PLPPR5: variants seen among roughly 807,000 people sequenced by gnomAD.
PLPPR5 encodes the protein phospholipid phosphatase related 5, also known as phospholipid phosphatase-related protein type 5.
PLPPR5 carries 16 observed loss-of-function variants against 33.9 expected under a neutral mutation model. The ratio of observed to expected loss-of-function variants is 0.47; its 90% CI spans 0.32 to 0.72. The LOEUF (loss-of-function observed/expected upper bound fraction) is 0.72. Ranked by LOEUF, PLPPR5 falls within the 30% of genes least tolerant of loss-of-function variation. The probability of loss-of-function intolerance (pLI) is 0.03; values close to 1 mark genes in which losing one functional copy is unlikely to be tolerated. For missense variants in PLPPR5, 301 were observed against 406.7 expected (o/e 0.74, Z 2.23); for synonymous variants, 163 against 150.3 (o/e 1.08, Z -0.62).
At chr1:98,903,992 T>C (rs1648796689) in intron 5 of PLPPR5, among the ~76,000 whole-genome samples, 1 of 152,200 alleles carries the variant, frequency 6.6e-6, no homozygotes, top group Admixed American at 6.5e-5. Context: ...CCATGAGCTC[T>C]TTCAGAACAT....
chr1:98,997,399 G>A (rs1182810126), intron 1 of PLPPR5, among the ~76,000 whole-genome samples: 1 of 152,080 alleles, frequency 6.6e-6, no homozygotes, highest in Non-Finnish European at 1.5e-5. Context: ...TGCAAATAAT[G>A]TGTTTGTGGC....
At chr1:98,978,461 T>A (rs1361910866) in intron 1 of PLPPR5, among the ~76,000 whole-genome samples, 2 of 152,048 alleles carry the variant, frequency 1.3e-5, no homozygotes, top group Admixed American at 1.3e-4. Context: ...TTTCTCTTTC[T>A]ACAAATTCCT....
chr1:98,931,310 T>C (rs934104660), intron 3 of PLPPR5, among the ~76,000 whole-genome samples: 5 of 99,994 alleles, frequency 5.0e-5, no homozygotes, highest in Non-Finnish European at 8.8e-5. Flanking sequence ...TAAAATTTCA[T>C]GAATGCTTAC....
chr1:98,920,087 T>C (rs1172466287), intron 4 of PLPPR5, among the ~76,000 whole-genome samples: 3 of 152,166 alleles, frequency 2.0e-5, no homozygotes, highest in African/African-American at 7.2e-5. Flanking sequence ...CATGAAACGT[T>C]CTCAACCTGT....
In PLPPR5 at chr1:98,952,328, G is replaced by A. The variant is rs1280591894; in HGVS notation, c.621+742C>T. 2.6e-5 allele frequency among the ~76,000 whole-genome samples: 4 copies of A among 151,580 alleles called. 1 individual carries two copies. The highest frequency in any genetic ancestry group is 1.3e-4 in the Admixed American group (2 of 15,244). On this transcript the variant is annotated intron_variant, in intron 3 of 5. Transcript: ENST00000263177. ...GTTTGTGGAAAAGCCTACAGGGAACGCGTTAGGAGTCCACCTCCTGAGCTG... is the reference window on the plus strand; with the variant it reads ...GTTTGTGGAAAAGCCTACAGGGAACACGTTAGGAGTCCACCTCCTGAGCTG...
At chr1:98,949,444 G>A (rs309078) in intron 3 of PLPPR5, among the ~76,000 whole-genome samples, 84,155 of 151,932 alleles carry the variant, frequency 0.55, 24,047 homozygotes, top group East Asian at 0.72. Flanking sequence ...TATTATTTAC[G>A]TACTCCATAA....
chr1:98,976,518 G>C (rs1312619014), intron 1 of PLPPR5, among the ~76,000 whole-genome samples: 1 of 151,832 alleles, frequency 6.6e-6, no homozygotes, highest in African/African-American at 2.4e-5. Context: ...AAGTAGACTA[G>C]GAAACCACCA....
intron 1 of PLPPR5, among the ~76,000 whole-genome samples, chr1:98,963,238 T>C (rs144137039): frequency 2.0e-5 from 3 of 152,366 alleles, no homozygotes; most frequent in African/African-American, 7.2e-5. Flanking sequence ...GCCTATTCTA[T>C]TGCAACTTTA....
intron 3 of PLPPR5, among the ~76,000 whole-genome samples, chr1:98,931,994 G>A (rs1332695151): frequency 6.6e-6 from 1 of 152,168 alleles, no homozygotes; most frequent in Non-Finnish European, 1.5e-5. Flanking sequence ...TTGGATGCGT[G>A]CTTATGTGCA....
chr1:98,917,993 TTA>T (rs1649419596), intron 4 of PLPPR5, among the ~76,000 whole-genome samples: 1 of 152,224 alleles, frequency 6.6e-6, no homozygotes, highest in Admixed American at 6.5e-5. Context: ...TGGTTTTACA[TTA>T]GTGACTTCCG....
rs1227202177 is a variant in PLPPR5, at chr1:98,949,833, G to A, written c.621+3237C>T. Among the ~76,000 whole-genome samples the A allele has an allele frequency of 3.9e-5, 6 of 152,190 alleles. No homozygotes were observed. In the East Asian group the frequency reaches 1.2e-3, roughly 29 times the overall value. On this transcript the variant is annotated intron_variant, in intron 3 of 5. Transcript: ENST00000263177. The stretch of plus-strand genomic sequence containing the variant: ...ACACACACACACAAAGGGGTGGTGG[G>A]GTAAGACAGAGAAACAGCAGAGAAC...
intron 1 of PLPPR5, among the ~76,000 whole-genome samples, chr1:98,968,741 A>T (rs1169350055): frequency 6.6e-6 from 1 of 152,068 alleles, no homozygotes; most frequent in Non-Finnish European, 1.5e-5. Flanking sequence ...AATTTAAAAA[A>T]TGTAAAAAGA....
chr1:99,005,148 C>T (rs1472485265), upstream of PLPPR5: 1 of 151,750 alleles, frequency 6.6e-6, no homozygotes, highest in Non-Finnish European at 1.5e-5. Flanking sequence ...TGGAGAAGCT[C>T]CTGGCGGGGG....
chr1:98,974,610 C>A (rs1651779914), intron 1 of PLPPR5, among the ~76,000 whole-genome samples: 2 of 152,042 alleles, frequency 1.3e-5, no homozygotes, highest in African/African-American at 2.4e-5. Context: ...AAATATATTT[C>A]TTTTCCCTTG....
intron 1 of PLPPR5, among the ~76,000 whole-genome samples, chr1:98,959,963 C>A (rs533662490): frequency 2.0e-5 from 3 of 152,166 alleles, no homozygotes; most frequent in African/African-American, 7.2e-5. Flanking sequence ...CTCTTTCCAG[C>A]ATGTTCTCTG....
At chr1:98,954,256 A>G (rs977358730) in intron 2 of PLPPR5, among the ~76,000 whole-genome samples, 1 of 152,300 alleles carries the variant, frequency 6.6e-6, no homozygotes, top group African/African-American at 2.4e-5. Flanking sequence ...TAGAGCTACA[A>G]TCTTCAAGGA....
chr1:98,920,858 A>G (rs1334120047), intron 4 of PLPPR5, among the ~76,000 whole-genome samples: 3 of 152,120 alleles, frequency 2.0e-5, no homozygotes, highest in Admixed American at 6.6e-5. Flanking sequence ...TCAATGCAAA[A>G]ATATGTTTTG....
intron 1 of PLPPR5, among the ~76,000 whole-genome samples, chr1:98,973,755 G>A (rs1443843009): frequency 6.6e-6 from 1 of 151,774 alleles, no homozygotes; most frequent in African/African-American, 2.4e-5. Context: ...ACAGCAAGTG[G>A]GCCCACTTGG....
chr1:98,922,094 A>G (rs1649577860), intron 3 of PLPPR5, 36 bp from the exon 4 acceptor site: 1 of 1,595,218 alleles, frequency 6.3e-7, no homozygotes, highest in Admixed American at 1.7e-5. Flanking sequence ...CTTTTCATGA[A>G]GGTATTTCCT....
Sources: allele counts gnomAD v4.1 joint callset (sites outside exome capture counted in the v4.1 genomes callset), GRCh38; gene constraint gnomAD v4.1.1; transcripts MANE v1.5; gene names NCBI Gene and HGNC (gene_info 2026-07-23, HGNC 2026-07-21).